The following ARNT2 variants were observed in gnomAD, a reference collection of about 807,000 sequenced individuals.
ARNT2 encodes ARNT protein 2.
In ARNT2, 36 loss-of-function variants were observed where a neutral mutation model predicts 91.7. The ratio of observed to expected loss-of-function variants is 0.39; its 90% confidence interval spans 0.30 to 0.52. ARNT2 has a LOEUF of 0.52. Among genes scored for constraint, ARNT2 ranks in the 20% least tolerant of loss-of-function variants. The probability of loss-of-function intolerance (pLI) is 0.72; values close to 1 mark genes in which losing one functional copy is unlikely to be tolerated. For missense variants in ARNT2, 775 were observed against 939.3 expected (o/e 0.83, Z 2.29); for synonymous variants, 365 against 347.1 (o/e 1.05, Z -0.57).
Position 80,586,840 on chromosome 15 carries a change from CA to C in ARNT2, c.1919-4713del, listed in dbSNP as rs10679933. ...TGGATGACAGAGGAAGACTCCATTTCAAAAAAAAAAAAAAAGGAATTTATTA... is the reference window on the plus strand; with the variant it reads ...TGGATGACAGAGGAAGACTCCATTTCAAAAAAAAAAAAAAGGAATTTATTA... On this transcript the variant is annotated intron_variant, in intron 17 of 18. Coordinates refer to ENST00000303329, the MANE Select transcript of ARNT2 (RefSeq NM_014862.4). 7.2e-3 allele frequency among the ~76,000 whole-genome samples: 811 copies of C among 112,894 alleles called. 4 individuals are homozygous for C. The highest frequency in any genetic ancestry group is 0.02 in the Middle Eastern group (4 of 200). 74.1% of individuals were successfully genotyped at this position (112,894 alleles called of 152,430 possible).
intron 5 of ARNT2, among the ~76,000 whole-genome samples, chr15:80,502,268 G>A (rs532051896): frequency 2.0e-5 from 3 of 152,366 alleles, no homozygotes; most frequent in Admixed American, 6.5e-5. Flanking sequence ...ATGCCCGCAA[G>A]TTCCCAGATG....
At chr15:80,420,625 A>G (rs775579231) in intron 1 of ARNT2, among the ~76,000 whole-genome samples, 64 of 151,908 alleles carry the variant, frequency 4.2e-4, no homozygotes, top group Admixed American at 1.1e-3. Flanking sequence ...ACATATGAAT[A>G]TATATTATGG....
chr15:80,487,190 T>G (rs1159099313), intron 5 of ARNT2, among the ~76,000 whole-genome samples: 1 of 152,194 alleles, frequency 6.6e-6, no homozygotes, highest in African/African-American at 2.4e-5. Flanking sequence ...GAGCCCGGGC[T>G]TCCATCTCTC....
intron 12 of ARNT2, among the ~76,000 whole-genome samples, chr15:80,571,047 C>T (rs999732985): frequency 5.9e-5 from 9 of 152,232 alleles, no homozygotes; most frequent in African/African-American, 1.4e-4. Flanking sequence ...TTTATAATGC[C>T]GAGTAAAAGA....
chr15:80,477,170 G>A (rs1225009084), intron 5 of ARNT2, among the ~76,000 whole-genome samples: 1 of 152,234 alleles, frequency 6.6e-6, no homozygotes, highest in Non-Finnish European at 1.5e-5. Flanking sequence ...TGTACAGCCT[G>A]CAGAATGGTG....
intron 1 of ARNT2, among the ~76,000 whole-genome samples, chr15:80,411,427 T>A (rs555392063): frequency 2.0e-5 from 3 of 152,312 alleles, no homozygotes; most frequent in African/African-American, 7.2e-5. Flanking sequence ...TGCCTTTCAA[T>A]GACTCCCTTG....
rs145720852 is a variant in ARNT2, at chr15:80,447,392, A to C, written c.32-3488A>C. On this transcript the variant is annotated intron_variant, in intron 1 of 18. Transcript: ENST00000303329. Reference sequence around the variant, plus strand: ...CCACCCTGGAGGTATCCAAAGTGTGATTTCCTCCCTATACAGTGCAGTGTT... The same window carrying C: ...CCACCCTGGAGGTATCCAAAGTGTGCTTTCCTCCCTATACAGTGCAGTGTT... Among the ~76,000 whole-genome samples, 1,483 of 152,268 alleles carry C rather than the reference A, an allele frequency of 9.7e-3. 24 individuals carry two copies. The highest frequency in any genetic ancestry group is 0.034 in the African/African-American group (1,424 of 41,542).
At chr15:80,513,168 C>T (rs1433535614) in intron 6 of ARNT2, among the ~76,000 whole-genome samples, 2 of 152,118 alleles carry the variant, frequency 1.3e-5, no homozygotes, top group Non-Finnish European at 2.9e-5. Context: ...AATGGATATA[C>T]CAAGCAGCAG....
chr15:80,587,460 A>G (rs867408541), intron 17 of ARNT2, among the ~76,000 whole-genome samples: 1 of 152,162 alleles, frequency 6.6e-6, no homozygotes, highest in African/African-American at 2.4e-5. Context: ...AGCTAAACCC[A>G]ACTACATAGG....
At chr15:80,587,595 G>A (rs1185731341) in intron 17 of ARNT2, among the ~76,000 whole-genome samples, 1 of 152,182 alleles carries the variant, frequency 6.6e-6, no homozygotes, top group African/African-American at 2.4e-5. Flanking sequence ...TTTAAAAAAG[G>A]AGGATGTCAT....
At chr15:80,565,722 T>G (rs193199732) in intron 12 of ARNT2, among the ~76,000 whole-genome samples, 98 of 152,274 alleles carry the variant, frequency 6.4e-4, no homozygotes, top group African/African-American at 1.8e-3. Flanking sequence ...CACTTTTTAA[T>G]GGGATTTGTT....
At position 80,407,958 on chromosome 15, in the gene ARNT2, G is replaced by A. The variant is rs138923999; in HGVS notation, c.31+3412G>A. Among the ~76,000 whole-genome samples, 1,174 of 152,290 alleles carry A rather than the reference G, an allele frequency of 7.7e-3. 15 individuals carry two copies. The highest frequency in any genetic ancestry group is 0.027 in the African/African-American group (1,125 of 41,546). On this transcript the variant is annotated intron_variant, in intron 1 of 18. Transcript: ENST00000303329. ...ATCATTAGGAATTAAGCATTATGTG[G>A]ACATTCTCTGAGATGAGTATTTGCA...
intron 1 of ARNT2, among the ~76,000 whole-genome samples, chr15:80,436,990 C>T (rs914575948): frequency 6.6e-6 from 1 of 152,154 alleles, no homozygotes; most frequent in Non-Finnish European, 1.5e-5. Flanking sequence ...TTTGGCACCT[C>T]TGGTTCCCAG....
At chr15:80,546,907 G>T (rs553413026) in intron 8 of ARNT2, among the ~76,000 whole-genome samples, 2 of 151,828 alleles carry the variant, frequency 1.3e-5, no homozygotes, top group East Asian at 3.9e-4. Flanking sequence ...AAGTTGCAGT[G>T]AGCCGAGATC....
intron 8 of ARNT2, among the ~76,000 whole-genome samples, chr15:80,522,779 A>C (rs1595997094): frequency 6.8e-6 from 1 of 146,344 alleles, no homozygotes; most frequent in African/African-American, 2.6e-5. Flanking sequence ...ATATATATAT[A>C]TCTGTTTGAT....
intron 2 of ARNT2, among the ~76,000 whole-genome samples, chr15:80,453,278 G>A (rs1896430054): frequency 6.6e-6 from 1 of 152,170 alleles, no homozygotes; most frequent in African/African-American, 2.4e-5. Context: ...AAATCACCCA[G>A]GGGCAAGGGC....
rs374632017 is a variant in ARNT2, at chr15:80,574,204, C to T, written c.1373C>T (p.Ser458Leu). ...GTGCACCAGAGAGATGGATTGTCAT[C>T]GTATGACTTATCCCAGGTGAGTTTC... The part of the protein sequence containing the change: ...LEVHQRDGLS[S>L]YDLSQVPVPN... The change falls in exon 13 of 19, where the codon TCG becomes TTG. Residue 458 changes from serine to leucine, a missense_variant. Transcript: ENST00000303329. 31 of 1,614,042 alleles carry T rather than the reference C, an allele frequency of 1.9e-5. No individual in the cohort carries two copies. The highest frequency in any genetic ancestry group is 2.2e-5 in the East Asian group (1 of 44,884).
chr15:80,456,409 T>G (rs1373145616), intron 2 of ARNT2, among the ~76,000 whole-genome samples: 1 of 152,176 alleles, frequency 6.6e-6, no homozygotes, highest in African/African-American at 2.4e-5. Context: ...ATAACCCTTG[T>G]GTCCGAGAAC....
intron 3 of ARNT2, among the ~76,000 whole-genome samples, chr15:80,465,762 C>T (rs2141391343): frequency 6.6e-6 from 1 of 152,336 alleles, no homozygotes; most frequent in East Asian, 1.9e-4. Flanking sequence ...GTCGTGGCTC[C>T]TCTCAGCCAG....
Sources: gnomAD v4.1 joint callset for allele counts (sites outside exome capture counted in the v4.1 genomes callset) on GRCh38, gnomAD v4.1.1 for gene constraint, MANE v1.5 for transcripts, NCBI Gene and HGNC (gene_info 2026-07-23, HGNC 2026-07-21) for gene names.